UTRN: variants seen among roughly 807,000 people sequenced by gnomAD.
UTRN encodes utrophin, also known as dystrophin-related protein 1.
UTRN carries 283 observed loss-of-function variants against 463.9 expected under a neutral mutation model. The observed-to-expected ratio is 0.61, with a 90% CI of 0.55 to 0.67. The LOEUF is 0.67. UTRN is among the 30% of genes least tolerant of loss of function. The pLI is 0.00. For synonymous variants in UTRN, 1,442 were observed against 1,431.5 expected (o/e 1.01, Z -0.17); for missense variants, 3,922 against 4,084.3 (o/e 0.96, Z 1.08).
intron 64 of UTRN, among the ~76,000 whole-genome samples, chr6:144,801,402 A>G (rs990003349): frequency 6.6e-6 from 1 of 152,206 alleles, no homozygotes. Context: ...AAAGAGATGC[A>G]TCTTTCTCTG....
chr6:144,719,961 AG>A (rs1178745986), intron 53 of UTRN, among the ~76,000 whole-genome samples: 3 of 152,222 alleles, frequency 2.0e-5, no homozygotes, highest in Non-Finnish European at 2.9e-5. Context: ...TATTTAAAGA[AG>A]GGGGGTGACC....
chr6:144,375,420 T>A (rs1780365351), intron 2 of UTRN, among the ~76,000 whole-genome samples: 1 of 152,220 alleles, frequency 6.6e-6, no homozygotes, highest in Non-Finnish European at 1.5e-5. Context: ...CTAGCACAGA[T>A]CTAAAAGTGA....
intron 27 of UTRN, among the ~76,000 whole-genome samples, chr6:144,484,105 C>T (rs1383609861): frequency 6.6e-6 from 1 of 152,176 alleles, no homozygotes; most frequent in Non-Finnish European, 1.5e-5. Flanking sequence ...ATAAGTTCCT[C>T]TTATAATAAG....
In UTRN at chr6:144,828,733, C is replaced by G. The variant is rs1780407762; in HGVS notation, c.9600-57C>G. ...TTAAAAATGATTAAGGATGTACGTC[C>G]AATTGACCATGTCCTATATGGCCAT... On this transcript the variant is annotated intron_variant, in intron 68 of 74. Coordinates refer to ENST00000367545, the MANE Select transcript of UTRN (RefSeq NM_007124.3). 2.7e-6 allele frequency: 4 copies of G among 1,503,366 alleles called. No individual in the cohort carries two copies. In the African/African-American group the frequency reaches 5.5e-5, roughly 21 times the overall value. 93.1% of individuals were successfully genotyped at this position (1,503,366 alleles called of 1,614,324 possible). A position where few individuals can be genotyped will look rare whatever the true frequency, so the allele number is the denominator to read the frequency against.
intron 39 of UTRN, among the ~76,000 whole-genome samples, chr6:144,519,004 C>T (rs1374237953): frequency 6.6e-6 from 1 of 152,046 alleles, no homozygotes; most frequent in Non-Finnish European, 1.5e-5. Flanking sequence ...AAACAAAACA[C>T]AAAACATTTG....
intron 50 of UTRN, among the ~76,000 whole-genome samples, chr6:144,559,357 A>T (rs1401505357): frequency 1.3e-5 from 2 of 152,094 alleles, no homozygotes; most frequent in Admixed American, 1.3e-4. Context: ...ATTTAGATAT[A>T]TTGTTATCTA....
At chr6:144,322,458 A>T (rs1775720653) in intron 2 of UTRN, among the ~76,000 whole-genome samples, 1 of 152,162 alleles carries the variant, frequency 6.6e-6, no homozygotes, top group African/African-American at 2.4e-5. Flanking sequence ...GCTGCCCTGC[A>T]GGGGACTTTG....
chr6:144,749,319 T>G (rs1042383594), intron 55 of UTRN, among the ~76,000 whole-genome samples: 47 of 152,294 alleles, frequency 3.1e-4, no homozygotes, highest in Middle Eastern at 3.4e-3. Context: ...TCAAAACAAC[T>G]GGAAAACGAA....
At chr6:144,385,398 G>T (rs984356803) in intron 2 of UTRN, among the ~76,000 whole-genome samples, 9 of 152,190 alleles carry the variant, frequency 5.9e-5, no homozygotes, top group Admixed American at 5.9e-4. Flanking sequence ...AAGGTGATCA[G>T]TACTCTTCAG....
At chr6:144,841,935 C>T (rs1176333855) in intron 73 of UTRN, among the ~76,000 whole-genome samples, 1 of 151,650 alleles carries the variant, frequency 6.6e-6, no homozygotes, top group Non-Finnish European at 1.5e-5. Flanking sequence ...CATGGTGAAA[C>T]CCTGTCGCTA....
intron 46 of UTRN, among the ~76,000 whole-genome samples, chr6:144,546,980 C>T (rs1798473440): frequency 1.3e-5 from 2 of 152,194 alleles, no homozygotes; most frequent in South Asian, 4.1e-4. Context: ...TGTGATGTCA[C>T]GTTATGTAGA....
At chr6:144,748,913 CT>C (rs1326577961) in intron 55 of UTRN, among the ~76,000 whole-genome samples, 3 of 152,166 alleles carry the variant, frequency 2.0e-5, no homozygotes, top group African/African-American at 7.2e-5. Flanking sequence ...TTCCCAGAGC[CT>C]GGATTTTGCA....
chr6:144,660,486 T>C (rs1249849775), intron 51 of UTRN, among the ~76,000 whole-genome samples: 1 of 152,148 alleles, frequency 6.6e-6, no homozygotes. Context: ...CTTCTCATGA[T>C]GCCTGTCACT....
chr6:144,444,138 A>G, intron 13 of UTRN, 143 bp from the exon 14 acceptor site: 3 of 619,630 alleles, frequency 4.8e-6, no homozygotes, highest in Non-Finnish European at 7.7e-6. Flanking sequence ...CTAGTCTGTT[A>G]TTTTAAAGCA....
intron 66 of UTRN, among the ~76,000 whole-genome samples, 179 bp from the exon 67 acceptor site, chr6:144,827,169 A>C (rs1260532912): frequency 6.6e-6 from 1 of 152,160 alleles, no homozygotes; most frequent in Non-Finnish European, 1.5e-5. Context: ...ATACACGGCG[A>C]CTTCTCTAGA....
chr6:144,777,840 G>A (rs955829241), intron 60 of UTRN, among the ~76,000 whole-genome samples: 1 of 152,132 alleles, frequency 6.6e-6, no homozygotes, highest in Admixed American at 6.5e-5. Context: ...TGAGAATTAA[G>A]GTGTAGATGG....
chr6:144,419,851 C>A (rs1758566548), intron 3 of UTRN, among the ~76,000 whole-genome samples: 1 of 151,966 alleles, frequency 6.6e-6, no homozygotes. Flanking sequence ...TTGTTATTTT[C>A]TAAAAAAGAG....
chr6:144,743,537 G>A (rs1225067143), intron 54 of UTRN, among the ~76,000 whole-genome samples: 1 of 152,110 alleles, frequency 6.6e-6, no homozygotes, highest in Non-Finnish European at 1.5e-5. Flanking sequence ...TATTTTTCTA[G>A]CATGAGAAAA....
chr6:144,797,128 G>A (rs4266507), intron 63 of UTRN, among the ~76,000 whole-genome samples: 23,345 of 151,852 alleles, frequency 0.15, 2,382 homozygotes, highest in Admixed American at 0.34. Flanking sequence ...CATTTATAAT[G>A]GCCTTCAAGT....
Sources: gnomAD v4.1 joint callset for allele counts (sites outside exome capture counted in the v4.1 genomes callset) on GRCh38, gnomAD v4.1.1 for gene constraint, MANE v1.5 for transcripts, NCBI Gene and HGNC (gene_info 2026-07-23, HGNC 2026-07-21) for gene names.